The following COX7B2 variants were observed in gnomAD, a reference collection of about 807,000 sequenced individuals.
The protein encoded by COX7B2 is cytochrome c oxidase subunit 7B2.
For missense variants in COX7B2, 109 were observed against 95.9 expected, an observed-to-expected ratio of 1.14 and a Z score of -0.57; for synonymous variants, 37 against 32.1, an observed-to-expected ratio of 1.15 and a Z score of -0.51.
intron 2 of COX7B2, among the ~76,000 whole-genome samples, chr4:46,742,648 C>A (rs1465492831): frequency 6.6e-6 from 1 of 151,952 alleles, no homozygotes; most frequent in Non-Finnish European, 1.5e-5. Flanking sequence ...CTTCATTAAG[C>A]CTAAAAAGTT....
At chr4:46,802,868 C>A (rs1417378793) in intron 2 of COX7B2, among the ~76,000 whole-genome samples, 1 of 151,944 alleles carries the variant, frequency 6.6e-6, no homozygotes, top group Non-Finnish European at 1.5e-5. Flanking sequence ...AAACATAGTG[C>A]TATAAAACTG....
chr4:46,837,561 AG>A (rs1715603222), intron 2 of COX7B2, among the ~76,000 whole-genome samples: 1 of 152,040 alleles, frequency 6.6e-6, no homozygotes, highest in Admixed American at 6.6e-5. Flanking sequence ...GTTTCTCTTT[AG>A]GGTATTAAAA....
intron 1 of COX7B2, among the ~76,000 whole-genome samples, chr4:46,858,970 T>C (rs1415709358): frequency 6.6e-6 from 1 of 152,240 alleles, no homozygotes; most frequent in East Asian, 1.9e-4. Flanking sequence ...CCTCTCACTG[T>C]TCATCTTATA....
rs527752162 is a variant in COX7B2, at chr4:46,864,042, G to T, written c.-104-19028C>A. Among the ~76,000 whole-genome samples the T allele has an allele frequency of 1.3e-3, 200 of 152,192 alleles. 2 individuals are homozygous for T. The highest frequency in any genetic ancestry group is 1.9e-3 in the Non-Finnish European group (130 of 68,014). ...TTTGGAATTTAGGTCACGTTCAAAA[G>T]GCCCTTCAAGAATATGGAAATAAAG... On this transcript the variant is annotated intron_variant, in intron 1 of 2. Coordinates refer to ENST00000355591, the MANE Select transcript of COX7B2 (RefSeq NM_130902.3).
intron 1 of COX7B2, among the ~76,000 whole-genome samples, chr4:46,858,453 G>C (rs985053366): frequency 1.3e-5 from 2 of 152,094 alleles, no homozygotes; most frequent in South Asian, 2.1e-4. Context: ...GTTGGTTTCA[G>C]GCCGTTTTTC....
intron 2 of COX7B2, among the ~76,000 whole-genome samples, chr4:46,757,601 T>C (rs1013428823): frequency 6.6e-6 from 1 of 152,064 alleles, no homozygotes; most frequent in African/African-American, 2.4e-5. Context: ...TTACACATAT[T>C]CTCTCGAGCC....
rs554257729 is a variant in COX7B2 at position 46,793,678 on chromosome 4, C to T, written c.-50+51282G>A. 4.6e-5 allele frequency among the ~76,000 whole-genome samples: 7 copies of T among 152,342 alleles called. No individual in the cohort carries two copies. The South Asian group carries it at 6.2e-4, about 14-fold the overall frequency. On this transcript the variant is annotated intron_variant, in intron 2 of 2. Transcript: ENST00000355591. ...AGGAGACCCTTAGCTCCTATAGCCA[C>T]AGGGCTGAGACTGCTGAAGATCAAA...
At chr4:46,858,851 CAT>C (rs1232777284) in intron 1 of COX7B2, among the ~76,000 whole-genome samples, 1 of 152,130 alleles carries the variant, frequency 6.6e-6, no homozygotes, top group Non-Finnish European at 1.5e-5. Context: ...AACAGCCTAA[CAT>C]GTAGGAAGGG....
chr4:46,740,278 T>C (rs1420263175), intron 2 of COX7B2, among the ~76,000 whole-genome samples: 1 of 152,124 alleles, frequency 6.6e-6, no homozygotes, highest in Admixed American at 6.6e-5. Flanking sequence ...AGAACTATGA[T>C]CACTACAAAC....
chr4:46,783,039 C>T (rs1717566161), intron 2 of COX7B2, among the ~76,000 whole-genome samples: 1 of 152,190 alleles, frequency 6.6e-6, no homozygotes. Flanking sequence ...AAGTGATAAC[C>T]TGATAATGCT....
intron 2 of COX7B2, among the ~76,000 whole-genome samples, chr4:46,789,805 C>G (rs995200260): frequency 6.6e-6 from 1 of 151,994 alleles, no homozygotes; most frequent in African/African-American, 2.4e-5. Flanking sequence ...AAGGTATACT[C>G]TTTGGGGAAT....
chr4:46,844,347 G>A (rs913630841), intron 2 of COX7B2, among the ~76,000 whole-genome samples: 7 of 151,886 alleles, frequency 4.6e-5, no homozygotes, highest in African/African-American at 1.7e-4. Context: ...TCCAGACACG[G>A]TCATGGATAA....
At chr4:46,747,496 G>A (rs997069750) in intron 2 of COX7B2, among the ~76,000 whole-genome samples, 4 of 151,732 alleles carry the variant, frequency 2.6e-5, no homozygotes, top group Non-Finnish European at 5.9e-5. Context: ...TAGAGACGGG[G>A]TTTCACCATT....
In COX7B2 at chr4:46,883,381, A is replaced by ATT. The variant is rs5858042; in HGVS notation, c.-105+25777_-105+25778dup. 4.5e-3 allele frequency among the ~76,000 whole-genome samples: 673 copies of ATT among 150,896 alleles called. 1 individual carries two copies. Among genetic ancestry groups the ATT allele is most frequent in the African/African-American group, 9.8e-3 (403 of 41,108 alleles). On this transcript the variant is annotated intron_variant, in intron 1 of 2. Transcript: ENST00000355591. Reference sequence around the variant, plus strand: ...GGCCTTTTCAGAATTCCCTTTCTGTATTTTTTTTTAATTTTTGCACTAGTA... The same window carrying ATT: ...GGCCTTTTCAGAATTCCCTTTCTGTATTTTTTTTTTTAATTTTTGCACTAGTA...
intron 1 of COX7B2, among the ~76,000 whole-genome samples, chr4:46,854,221 CTA>C (rs933639208): frequency 3.9e-5 from 6 of 151,968 alleles, no homozygotes; most frequent in Non-Finnish European, 7.4e-5. Flanking sequence ...AACTGGCTAG[CTA>C]ATATGTTGAG....
chr4:46,739,504 T>C (rs1278661951), intron 2 of COX7B2, among the ~76,000 whole-genome samples: 4 of 152,082 alleles, frequency 2.6e-5, no homozygotes, highest in Admixed American at 1.3e-4. Flanking sequence ...AAGAAGCTTA[T>C]GGTATAGTGG....
rs1177452144 is a variant in COX7B2, at chr4:46,909,235, A to C, written c.-180T>G. 2 of 152,134 alleles carry C rather than the reference A, an allele frequency of 1.3e-5. No individual in the cohort carries two copies. Among genetic ancestry groups the C allele is most frequent in the Non-Finnish European group, 2.9e-5 (2 of 68,020 alleles). The allele number at this position is 152,134 out of a possible 1,614,324, so 9.4% of individuals were successfully genotyped here. On this transcript the variant is annotated 5_prime_UTR_variant, in exon 1 of 3. Coordinates refer to ENST00000355591, the MANE Select transcript of COX7B2 (RefSeq NM_130902.3). The stretch of plus-strand genomic sequence containing the variant: ...CGAACCTTTCCGTTTTACAGCCTGG[A>C]GGGGTCGGGTAAAACAGGTACTTCC...
chr4:46,895,039 G>A (rs963724669), intron 1 of COX7B2, among the ~76,000 whole-genome samples: 1 of 152,154 alleles, frequency 6.6e-6, no homozygotes, highest in African/African-American at 2.4e-5. Context: ...ACCGTTGGTG[G>A]TGGTGTAAAT....
chr4:46,833,563 C>T (rs1462536827), intron 2 of COX7B2, among the ~76,000 whole-genome samples: 1 of 151,952 alleles, frequency 6.6e-6, no homozygotes, highest in Non-Finnish European at 1.5e-5. Flanking sequence ...CTCAGAGAAA[C>T]TCAATGAAAA....
Sources: allele counts gnomAD v4.1 joint callset (sites outside exome capture counted in the v4.1 genomes callset), GRCh38; gene constraint gnomAD v4.1.1; transcripts MANE v1.5; gene names NCBI Gene and HGNC (gene_info 2026-07-23, HGNC 2026-07-21).